SGCZ: variants seen among roughly 807,000 people sequenced by gnomAD.
SGCZ encodes sarcoglycan zeta, also known as zeta-sarcoglycan.
SGCZ carries 40 observed loss-of-function variants against 41.3 expected under a neutral mutation model. The observed-to-expected ratio is 0.97, with a 90% CI of 0.75 to 1.26. The LOEUF (loss-of-function observed/expected upper bound fraction) is 1.26. Among genes scored for constraint, SGCZ ranks in the 50% most tolerant of loss-of-function variants. The pLI is 0.00. For synonymous variants in SGCZ, 206 were observed against 137.5 expected, an observed-to-expected ratio of 1.50 and a Z score of -3.49; for missense variants, 552 against 369.8, an observed-to-expected ratio of 1.49 and a Z score of -4.04.
chr8:15,123,856 C>G (rs558446475), intron 1 of SGCZ, among the ~76,000 whole-genome samples: 2 of 151,902 alleles, frequency 1.3e-5, no homozygotes, highest in Non-Finnish European at 2.9e-5. Context: ...CGGAAGAAAA[C>G]GTATTTCAGG....
At chr8:15,037,602 T>A (rs575249808) in intron 1 of SGCZ, among the ~76,000 whole-genome samples, 2 of 152,272 alleles carry the variant, frequency 1.3e-5, no homozygotes, top group East Asian at 3.9e-4. Context: ...CTATTTAACA[T>A]ATTACTGAAA....
At chr8:14,338,163 C>A (rs1309969355) in intron 2 of SGCZ, among the ~76,000 whole-genome samples, 1 of 152,084 alleles carries the variant, frequency 6.6e-6, no homozygotes, top group Non-Finnish European at 1.5e-5. Flanking sequence ...ACCTTCTTAG[C>A]AAATTTTGAC....
chr8:14,878,833 A>G (rs1804466906), intron 1 of SGCZ, among the ~76,000 whole-genome samples: 1 of 152,200 alleles, frequency 6.6e-6, no homozygotes, highest in African/African-American at 2.4e-5. Context: ...AGTAAAAGAG[A>G]GCATAGTTTC....
At chr8:15,237,500 C>A in intron 1 of SGCZ, 85 bp downstream of exon 1, 1 of 1,489,126 alleles carries the variant, frequency 6.7e-7, no homozygotes, top group Non-Finnish European at 9.2e-7. Context: ...AACTACTCCG[C>A]GCCGCTGGAG....
chr8:14,210,874 G>T (rs561138742), intron 4 of SGCZ, among the ~76,000 whole-genome samples: 3 of 152,082 alleles, frequency 2.0e-5, no homozygotes, highest in African/African-American at 7.2e-5. Context: ...TAAATGCCTA[G>T]ACCATTGCAA....
intron 1 of SGCZ, among the ~76,000 whole-genome samples, chr8:15,050,010 G>A (rs1325932472): frequency 6.6e-6 from 1 of 152,086 alleles, no homozygotes; most frequent in Non-Finnish European, 1.5e-5. Flanking sequence ...ATCTTTATTA[G>A]CAATGTGAGA....
chr8:14,393,437 G>C lies in SGCZ; in HGVS notation c.235-69233C>G, dbSNP rs113316388. On this transcript the variant is annotated intron_variant, in intron 2 of 7. Coordinates refer to ENST00000382080, the MANE Select transcript of SGCZ (RefSeq NM_139167.4). Reference sequence around the variant, plus strand: ...TATAAAGAGCAGACAAAATGGCGCTGATCAACTGGAAAGCCAATTTACATA... The same window carrying C: ...TATAAAGAGCAGACAAAATGGCGCTCATCAACTGGAAAGCCAATTTACATA... Among the ~76,000 whole-genome samples, 6 of 152,256 alleles carry C rather than the reference G, an allele frequency of 3.9e-5. 1 individual carries two copies. Among genetic ancestry groups the C allele is most frequent in the African/African-American group, 1.4e-4 (6 of 41,550 alleles).
chr8:14,176,055 T>G (rs1038425387), intron 4 of SGCZ, among the ~76,000 whole-genome samples: 1 of 152,090 alleles, frequency 6.6e-6, no homozygotes, highest in African/African-American at 2.4e-5. Flanking sequence ...CAAAGCAACA[T>G]TGGACCAAAG....
intron 2 of SGCZ, among the ~76,000 whole-genome samples, chr8:14,490,098 C>A (rs780428497): frequency 2.6e-5 from 4 of 152,048 alleles, no homozygotes; most frequent in South Asian, 2.1e-4. Context: ...AAACTCCAAA[C>A]CTTGTGATCC....
intron 5 of SGCZ, among the ~76,000 whole-genome samples, chr8:14,119,233 T>G (rs1802617616): frequency 6.6e-6 from 1 of 152,100 alleles, no homozygotes; most frequent in Non-Finnish European, 1.5e-5. Flanking sequence ...CCCCTCTTAT[T>G]TCCTTGAGCA....
rs144262163 is a variant in SGCZ, at chr8:14,705,372, T to A, written c.40-150446A>T. On this transcript the variant is annotated intron_variant, in intron 1 of 7. Transcript: ENST00000382080. ...ATTTTTTTCTGTATGATACATGGAC[T>A]ATCTATGTGACTATGTGACTATAAT... is the stretch of plus-strand genomic sequence containing the variant. Among the ~76,000 whole-genome samples the A allele has an allele frequency of 2.6e-3, 392 of 152,132 alleles. 2 individuals are homozygous for A. The highest frequency in any genetic ancestry group is 9.2e-3 in the African/African-American group (381 of 41,554).
At chr8:14,474,827 T>G (rs1801312881) in intron 2 of SGCZ, among the ~76,000 whole-genome samples, 1 of 152,224 alleles carries the variant, frequency 6.6e-6, no homozygotes, top group African/African-American at 2.4e-5. Flanking sequence ...ATATTGGATT[T>G]TTTTTAAAGT....
rs577394608 is a variant in SGCZ at position 14,488,403 on chromosome 8, C to T, written c.234+66329G>A. 2.1e-5 allele frequency among the ~76,000 whole-genome samples: 3 copies of T among 145,116 alleles called. No homozygotes were observed. In the East Asian group the frequency reaches 6.3e-4, roughly 31 times the overall value. Reference sequence around the variant, plus strand: ...GACCACAATGGCCTTAACTCCCCTCCAGCTAGACAAAAGTTTAAAGAGGTT... The same window carrying T: ...GACCACAATGGCCTTAACTCCCCTCTAGCTAGACAAAAGTTTAAAGAGGTT... On this transcript the variant is annotated intron_variant, in intron 2 of 7. Transcript: ENST00000382080.
In SGCZ at chr8:14,179,461, G is replaced by A. The variant is rs78746444; in HGVS notation, c.425-14759C>T. Among the ~76,000 whole-genome samples, 346 of 152,284 alleles carry A rather than the reference G, an allele frequency of 2.3e-3. 2 individuals carry two copies. Among genetic ancestry groups the A allele is most frequent in the Non-Finnish European group, 3.5e-3 (241 of 68,022 alleles). On this transcript the variant is annotated intron_variant, in intron 4 of 7. Transcript: ENST00000382080. ...GGACTTTTCAGGAGCTACCACAAGGGTTCCTGCACATCCCCACTGTCTGTC... is the reference window on the plus strand; with the variant it reads ...GGACTTTTCAGGAGCTACCACAAGGATTCCTGCACATCCCCACTGTCTGTC...
intron 5 of SGCZ, among the ~76,000 whole-genome samples, chr8:14,123,573 C>A (rs10888080): frequency 6.6e-6 from 1 of 152,186 alleles, no homozygotes; most frequent in South Asian, 2.1e-4. Flanking sequence ...GACCTATATA[C>A]TCCATCTTCT....
intron 4 of SGCZ, among the ~76,000 whole-genome samples, chr8:14,203,781 G>A (rs1442430690): frequency 1.3e-5 from 2 of 152,098 alleles, no homozygotes; most frequent in Admixed American, 6.6e-5. Flanking sequence ...TTGATGGGGA[G>A]AATTAGAGGG....
chr8:14,354,630 A>G (rs947773128), intron 2 of SGCZ, among the ~76,000 whole-genome samples: 3 of 151,760 alleles, frequency 2.0e-5, no homozygotes, highest in Non-Finnish European at 4.4e-5. Flanking sequence ...TCGTGTCTAC[A>G]TAATATAAAA....
chr8:14,819,918 A>C (rs1182221247), intron 1 of SGCZ, among the ~76,000 whole-genome samples: 2 of 152,070 alleles, frequency 1.3e-5, no homozygotes, highest in Non-Finnish European at 2.9e-5. Context: ...AAACCACCAA[A>C]CTACTAAAGT....
intron 1 of SGCZ, among the ~76,000 whole-genome samples, chr8:14,944,866 C>G (rs1450731047): frequency 2.0e-5 from 3 of 152,220 alleles, no homozygotes; most frequent in African/African-American, 7.2e-5. Flanking sequence ...TAAGTCAAAC[C>G]ATTGTAAGTT....
Sources: allele counts gnomAD v4.1 joint callset (sites outside exome capture counted in the v4.1 genomes callset), GRCh38; gene constraint gnomAD v4.1.1; transcripts MANE v1.5; gene names NCBI Gene and HGNC (gene_info 2026-07-23, HGNC 2026-07-21).